The following EIF3J variants were observed in gnomAD, a reference collection of about 807,000 sequenced individuals.
EIF3J encodes the protein eukaryotic translation initiation factor 3, subunit 1 (alpha, 35kD).
A neutral mutation model predicts 39.0 loss-of-function variants in EIF3J; 15 were observed. That is an observed-to-expected ratio of 0.38 (90% CI 0.26 to 0.59). EIF3J has a LOEUF of 0.59. EIF3J is among the 20% of genes least tolerant of loss of function. The pLI is 0.60. For synonymous variants in EIF3J, 98 were observed against 112.9 expected, an observed-to-expected ratio of 0.87 and a Z score of 0.84; for missense variants, 226 against 308.6, an observed-to-expected ratio of 0.73 and a Z score of 2.00.
intron 2 of EIF3J, among the ~76,000 whole-genome samples, chr15:44,550,335 A>C (rs1252203736): frequency 6.6e-6 from 1 of 152,196 alleles, no homozygotes; most frequent in Non-Finnish European, 1.5e-5. Flanking sequence ...TGAGTTGCCT[A>C]GGATAGAGTG....
chr15:44,544,294 T>TC (rs1339730257), intron 2 of EIF3J, among the ~76,000 whole-genome samples: 5 of 151,506 alleles, frequency 3.3e-5, no homozygotes, highest in Non-Finnish European at 5.9e-5. Context: ...AACAGGGGTT[T>TC]GCCATGTTGG....
At chr15:44,545,731 A>ATGT (rs1334785164) in intron 2 of EIF3J, among the ~76,000 whole-genome samples, 3 of 152,200 alleles carry the variant, frequency 2.0e-5, no homozygotes, top group African/African-American at 7.2e-5. Context: ...CTATCTTGAA[A>ATGT]TATATAACAT....
intron 2 of EIF3J, among the ~76,000 whole-genome samples, chr15:44,543,647 C>T (rs371901462): frequency 1.3e-5 from 2 of 152,072 alleles, no homozygotes; most frequent in Non-Finnish European, 2.9e-5. Context: ...CTCTTGACCT[C>T]GTGATCTGCC....
chr15:44,545,300 G>C (rs1289367329), intron 2 of EIF3J, among the ~76,000 whole-genome samples: 1 of 152,066 alleles, frequency 6.6e-6, no homozygotes, highest in Non-Finnish European at 1.5e-5. Context: ...TGTGAATTTT[G>C]TAAGCAAGTG....
At chr15:44,552,751 C>T (rs1292917133) in intron 4 of EIF3J, among the ~76,000 whole-genome samples, 4 of 151,776 alleles carry the variant, frequency 2.6e-5, no homozygotes, top group Non-Finnish European at 4.4e-5. Flanking sequence ...GTAGAGATGG[C>T]ATTTCACCGT....
Position 44,557,526 on chromosome 15 carries a change from C to A in EIF3J, c.447C>A (p.Asn149Lys), listed in dbSNP as rs781683865. 4 of 1,551,002 alleles carry A rather than the reference C, an allele frequency of 2.6e-6. No individual in the cohort carries two copies. In the South Asian group the frequency reaches 5.2e-5, roughly 20 times the overall value. ...CAGTTTATGGAATAGATGCTATGAA[C>A]CCATCTTCAAGAGATGACTTTACAG... The part of the protein sequence containing the change: ...NNAVYGIDAM[N>K]PSSRDDFTEF... Residue 149 changes from asparagine to lysine, a missense_variant, in exon 6 of 8, where the codon AAC becomes AAA. Physicochemically the swap from Asn to Lys is moderately conservative, Grantham distance 94. Around this residue, in one of 2 missense-constraint regions of EIF3J, gnomAD observed 83 missense variants for 152.6 expected, o/e 0.54. Transcript: ENST00000261868.
intron 2 of EIF3J, among the ~76,000 whole-genome samples, chr15:44,549,808 A>G (rs1368553689): frequency 6.6e-6 from 1 of 151,262 alleles, no homozygotes; most frequent in Non-Finnish European, 1.5e-5. Context: ...TACTAAAAAT[A>G]AATGAGCCAG....
intron 6 of EIF3J, among the ~76,000 whole-genome samples, chr15:44,559,724 A>G (rs866086701): frequency 1.3e-5 from 2 of 151,768 alleles, no homozygotes; most frequent in Non-Finnish European, 2.9e-5. Context: ...AAAAAAAATA[A>G]TAGTAATTGT....
At chr15:44,553,699 G>A (rs1203908922) in intron 4 of EIF3J, among the ~76,000 whole-genome samples, 4 of 151,886 alleles carry the variant, frequency 2.6e-5, no homozygotes, top group Non-Finnish European at 2.9e-5. Context: ...GGACATTTAG[G>A]TTGTCTGTAA....
At chr15:44,538,936 A>T (rs185405156) in intron 2 of EIF3J, among the ~76,000 whole-genome samples, 4 of 152,350 alleles carry the variant, frequency 2.6e-5, no homozygotes, top group Non-Finnish European at 4.4e-5. Context: ...GCAGAAAATG[A>T]AGTTTTAATG....
chr15:44,549,966 A>G (rs937673601), intron 2 of EIF3J, among the ~76,000 whole-genome samples: 1 of 151,964 alleles, frequency 6.6e-6, no homozygotes, highest in Non-Finnish European at 1.5e-5. Flanking sequence ...AAAAAAAAAA[A>G]AAGTCTGGTA....
intron 4 of EIF3J, among the ~76,000 whole-genome samples, chr15:44,554,323 G>A (rs1275243705): frequency 1.4e-5 from 2 of 148,124 alleles, no homozygotes; most frequent in Non-Finnish European, 3.0e-5. Context: ...GTTACAATGA[G>A]CGAAGATCAT....
chr15:44,539,949 T>C (rs1325276658), intron 2 of EIF3J, among the ~76,000 whole-genome samples: 1 of 148,472 alleles, frequency 6.7e-6, no homozygotes, highest in Non-Finnish European at 1.5e-5. Context: ...TTTTCTTTTT[T>C]TTTTTTTTGA....
intron 7 of EIF3J, chr15:44,560,558 G>C: frequency 4.1e-6 from 2 of 489,636 alleles, no homozygotes; most frequent in Non-Finnish European, 7.2e-6. Context: ...TCAAATACTA[G>C]CACTGCTACT....
chr15:44,543,633 C>T (rs989300189), intron 2 of EIF3J, among the ~76,000 whole-genome samples: 87 of 148,546 alleles, frequency 5.9e-4, no homozygotes, highest in African/African-American at 2.0e-3. Flanking sequence ...AGGATGGTCT[C>T]GATCTCTTGA....
At chr15:44,543,035 A>T (rs1489530073) in intron 2 of EIF3J, among the ~76,000 whole-genome samples, 1 of 152,210 alleles carries the variant, frequency 6.6e-6, no homozygotes, top group Non-Finnish European at 1.5e-5. Context: ...ATTTTATCTG[A>T]ATTTGCTGCT....
intron 6 of EIF3J, chr15:44,557,939 ATC>A (rs759594788): frequency 5.4e-5 from 10 of 186,152 alleles, no homozygotes; most frequent in Non-Finnish European, 9.9e-5. Context: ...TATTCTTTTT[ATC>A]TGATTATCAC....
chr15:44,540,298 T>C (rs971544070), intron 2 of EIF3J, among the ~76,000 whole-genome samples: 16 of 136,394 alleles, frequency 1.2e-4, no homozygotes, highest in Non-Finnish European at 2.5e-4. Context: ...ATACAGGGTT[T>C]CGCCATGTTA....
chr15:44,560,875 A>C, intron 7 of EIF3J, 143 bp from the exon 8 acceptor site: 4 of 1,196,504 alleles, frequency 3.3e-6, no homozygotes, highest in Non-Finnish European at 4.5e-6. Flanking sequence ...TTCAGGTCCA[A>C]AACATGTAGG....
Sources: allele counts gnomAD v4.1 joint callset (sites outside exome capture counted in the v4.1 genomes callset), GRCh38; gene constraint gnomAD v4.1.1; regional missense constraint gnomAD v4.1.1; transcripts MANE v1.5; gene names NCBI Gene and HGNC (gene_info 2026-07-23, HGNC 2026-07-21).